The following ASPH variants were observed in gnomAD, a reference collection of about 807,000 sequenced individuals.
ASPH encodes the protein aspartyl/asparaginyl beta-hydroxylase.
A neutral mutation model predicts 118.4 loss-of-function variants in ASPH; 100 were observed. The ratio of observed to expected loss-of-function variants is 0.84; its 90% CI spans 0.72 to 1.00. The LOEUF is 1.00. Among genes scored for constraint, ASPH ranks in the 50% least tolerant of loss-of-function variants. The pLI is 0.00. For missense variants in ASPH, 920 were observed against 919.5 expected (o/e 1.00, Z -0.01); for synonymous variants, 315 against 325.6 (o/e 0.97, Z 0.35).
At chr8:61,655,491 A>G (rs1198084061) in intron 3 of ASPH, among the ~76,000 whole-genome samples, 1 of 152,108 alleles carries the variant, frequency 6.6e-6, no homozygotes, top group Non-Finnish European at 1.5e-5. Context: ...AGGCTCTCAA[A>G]CTGTGTTCCG....
chr8:61,568,305 G>A (rs373544347), intron 16 of ASPH, among the ~76,000 whole-genome samples: 3 of 152,136 alleles, frequency 2.0e-5, no homozygotes, highest in East Asian at 3.8e-4. Flanking sequence ...GTGGTAACAA[G>A]TGGTCAGATT....
intron 3 of ASPH, among the ~76,000 whole-genome samples, chr8:61,667,515 T>C (rs184276818): frequency 1.0e-3 from 155 of 152,212 alleles, no homozygotes; most frequent in African/African-American, 3.3e-3. Context: ...TACAGGTGCC[T>C]GCCACCAAGT....
chr8:61,603,156 G>GCA (rs1844565107), intron 14 of ASPH, among the ~76,000 whole-genome samples: 1 of 121,824 alleles, frequency 8.2e-6, no homozygotes, highest in East Asian at 2.6e-4. Flanking sequence ...TCGCACCACT[G>GCA]CACTCCAGCC....
intron 24 of ASPH, 135 bp from the exon 25 acceptor site, chr8:61,503,644 C>G: frequency 1.2e-6 from 1 of 803,982 alleles, no homozygotes; most frequent in Non-Finnish European, 1.8e-6. Context: ...GAACATCAAG[C>G]CCAAGTTTAT....
At chr8:61,541,025 C>T (rs984452667) in intron 21 of ASPH, among the ~76,000 whole-genome samples, 14 of 151,822 alleles carry the variant, frequency 9.2e-5, no homozygotes, top group Middle Eastern at 3.4e-3. Flanking sequence ...TTTGGAAGGC[C>T]GAGGTGGGCG....
chr8:61,607,002 T>A (rs973552752), intron 14 of ASPH: 1 of 379,982 alleles, frequency 2.6e-6, no homozygotes, highest in Admixed American at 4.4e-5. Context: ...CATCGCTCCA[T>A]GAAGACTCCA....
chr8:61,521,797 C>A (rs2129620931), intron 22 of ASPH, among the ~76,000 whole-genome samples: 1 of 152,356 alleles, frequency 6.6e-6, no homozygotes, highest in South Asian at 2.1e-4. Flanking sequence ...TTTATCACTT[C>A]TTACACATGA....
At chr8:61,631,564 A>C (rs756708072) in intron 13 of ASPH, 1 of 152,106 alleles carries the variant, frequency 6.6e-6, no homozygotes, top group Non-Finnish European at 1.5e-5. Context: ...GTAGTAGGCT[A>C]CTCTATGATG....
intron 20 of ASPH, among the ~76,000 whole-genome samples, chr8:61,551,013 CG>C (rs780656750): frequency 7.9e-5 from 12 of 152,116 alleles, no homozygotes; most frequent in African/African-American, 2.7e-4. Context: ...GGAGGAAAAA[CG>C]GTTTAGAGAA....
At chr8:61,522,223 A>T (rs1280793989) in intron 22 of ASPH, among the ~76,000 whole-genome samples, 1 of 152,214 alleles carries the variant, frequency 6.6e-6, no homozygotes, top group Non-Finnish European at 1.5e-5. Flanking sequence ...AGTCCTTTAA[A>T]AAAACATAGT....
chr8:61,528,640 T>C (rs1409901023), intron 21 of ASPH, among the ~76,000 whole-genome samples: 1 of 152,196 alleles, frequency 6.6e-6, no homozygotes, highest in African/African-American at 2.4e-5. Context: ...TAGGGAAAAA[T>C]GTTAAAGTGA....
chr8:61,545,416 A>T (rs1403127375), intron 21 of ASPH, among the ~76,000 whole-genome samples: 1 of 152,216 alleles, frequency 6.6e-6, no homozygotes, highest in Non-Finnish European at 1.5e-5. Flanking sequence ...CAGCAGCTTA[A>T]ATGGACTACT....
At chr8:61,706,427 AAAG>A (rs1215822515) in intron 1 of ASPH, among the ~76,000 whole-genome samples, 1,631 of 85,932 alleles carry the variant, frequency 0.019, 17 homozygotes, top group Middle Eastern at 0.059. Flanking sequence ...AAAAAAAAAA[AAAG>A]AAGAAGAAGA....
chr8:61,526,127 C>A lies in ASPH; in HGVS notation c.1765-15G>T, dbSNP rs1373551145. 2.5e-6 allele frequency: 4 copies of A among 1,613,580 alleles called. No homozygotes were observed. In the African/African-American group the frequency reaches 5.3e-5, roughly 22 times the overall value. On this transcript the variant is annotated splice_polypyrimidine_tract_variant and intron_variant, in intron 21 of 24. Coordinates refer to ENST00000379454, the MANE Select transcript of ASPH (RefSeq NM_004318.4). ...CTTTCTAAAGACTAGAGGGAAGATTCTGGCTTTACTGGACTGAAAAAGGGC... is the reference window on the plus strand; with the variant it reads ...CTTTCTAAAGACTAGAGGGAAGATTATGGCTTTACTGGACTGAAAAAGGGC...
intron 3 of ASPH, chr8:61,662,897 C>T (rs1294934746): frequency 2.0e-6 from 2 of 984,354 alleles, no homozygotes; most frequent in Non-Finnish European, 2.4e-6. Flanking sequence ...AAAATATTTT[C>T]ACTCATTTGT....
intron 3 of ASPH, among the ~76,000 whole-genome samples, chr8:61,673,453 C>T (rs1323519231): frequency 2.6e-5 from 4 of 152,144 alleles, no homozygotes; most frequent in African/African-American, 9.7e-5. Context: ...TCAGCACATC[C>T]GAATAAGCCA....
At chr8:61,702,364 A>G (rs1287748324) in intron 1 of ASPH, among the ~76,000 whole-genome samples, 1 of 147,552 alleles carries the variant, frequency 6.8e-6, no homozygotes, top group Non-Finnish European at 1.5e-5. Flanking sequence ...GGCTCACTGC[A>G]AGCTCCGCCT....
rs553667513 is a variant in ASPH at position 61,547,965 on chromosome 8, T to G, written c.1764+106A>C. Reference sequence around the variant, plus strand: ...TATATTTTGCAAATGTCACTAGAAATAAAATCTATCTCTTCCCTGACATTC... The same window carrying G: ...TATATTTTGCAAATGTCACTAGAAAGAAAATCTATCTCTTCCCTGACATTC... On this transcript the variant is annotated intron_variant, in intron 21 of 24. Transcript: ENST00000379454. 6 of 1,437,870 alleles carry G rather than the reference T, an allele frequency of 4.2e-6. No individual in the cohort carries two copies. The African/African-American group carries it at 8.6e-5, about 21-fold the overall frequency. The allele number at this position is 1,437,870 out of a possible 1,614,324, so 89.1% of individuals were successfully genotyped here. A position where few individuals can be genotyped will look rare whatever the true frequency, so the allele number is the denominator to read the frequency against.
chr8:61,513,180 A>C (rs1185039659), intron 24 of ASPH, among the ~76,000 whole-genome samples: 2 of 152,226 alleles, frequency 1.3e-5, no homozygotes, highest in Non-Finnish European at 2.9e-5. Context: ...CAGTCTGAAA[A>C]ATTGCTGCCT....
Sources: allele counts gnomAD v4.1 joint callset (sites outside exome capture counted in the v4.1 genomes callset), GRCh38; gene constraint gnomAD v4.1.1; transcripts MANE v1.5; gene names NCBI Gene and HGNC (gene_info 2026-07-23, HGNC 2026-07-21).